Variants in KDM4C observed in about 807,000 individuals in gnomAD.
The protein encoded by KDM4C is lysine demethylase 4C.
A neutral mutation model predicts 129.3 loss-of-function variants in KDM4C; 81 were observed. The ratio of observed to expected loss-of-function variants is 0.63; its 90% CI spans 0.52 to 0.75. The LOEUF is 0.75. KDM4C is among the 30% of genes least tolerant of loss of function. KDM4C has a pLI of 0.00. For missense variants in KDM4C, 1,457 were observed against 1,304.0 expected, an observed-to-expected ratio of 1.12 and a Z score of -1.81; for synonymous variants, 573 against 456.1, an observed-to-expected ratio of 1.26 and a Z score of -3.26.
chr9:6,960,093 G>T (rs1172019933), intron 8 of KDM4C, among the ~76,000 whole-genome samples: 3 of 151,756 alleles, frequency 2.0e-5, no homozygotes, highest in African/African-American at 7.3e-5. Flanking sequence ...TTCCTTAGGG[G>T]TCAAGACCTT....
chr9:6,758,197 G>C lies in KDM4C; in HGVS notation c.-24G>C. 1.0e-6 allele frequency: 1 copy of C among 985,930 alleles called. No individual in the cohort carries two copies. The highest frequency in any genetic ancestry group is 1.2e-6 in the Non-Finnish European group (1 of 830,354). 61.1% of individuals were successfully genotyped at this position (985,930 alleles called of 1,614,324 possible). Reference sequence around the variant, plus strand: ...GAGTCGTGCTCTCGCCCCAACCCGCGCGCCAGGTAACCGCTTTTCCGGAGT... The same window carrying C: ...GAGTCGTGCTCTCGCCCCAACCCGCCCGCCAGGTAACCGCTTTTCCGGAGT... On this transcript the variant is annotated 5_prime_UTR_variant, in exon 1 of 22. Transcript: ENST00000381309. The surrounding 1 kb of genome is among the most constrained non-coding windows in gnomAD (Gnocchi z 4.6).
chr9:6,741,904 AC>A (rs2130263556), intron 1 of KDM4C, among the ~76,000 whole-genome samples: 1 of 151,188 alleles, frequency 6.6e-6, no homozygotes, highest in East Asian at 1.9e-4. Context: ...ACACACACAC[AC>A]ACACAAATAC....
At chr9:6,730,729 G>A (rs1442015104) in intron 1 of KDM4C, among the ~76,000 whole-genome samples, 2 of 152,134 alleles carry the variant, frequency 1.3e-5, no homozygotes, top group Non-Finnish European at 2.9e-5. Context: ...GATGCCTCAT[G>A]GTCAGAACAA....
intron 8 of KDM4C, among the ~76,000 whole-genome samples, chr9:6,911,844 C>A (rs1188486295): frequency 6.6e-6 from 1 of 152,142 alleles, no homozygotes; most frequent in Non-Finnish European, 1.5e-5. Flanking sequence ...GGGGAGGTGG[C>A]AGGGACTGGG....
At chr9:6,789,899 G>A (rs1024680296) in intron 1 of KDM4C, among the ~76,000 whole-genome samples, 5 of 151,942 alleles carry the variant, frequency 3.3e-5, no homozygotes, top group Non-Finnish European at 7.4e-5. Context: ...CCTTTGGATT[G>A]TAAGTTCCTA....
At chr9:6,916,552 G>T (rs1287455551) in intron 8 of KDM4C, among the ~76,000 whole-genome samples, 1 of 152,098 alleles carries the variant, frequency 6.6e-6, no homozygotes, top group East Asian at 1.9e-4. Flanking sequence ...GAGCCACTGT[G>T]CCTGGCTGAT....
chr9:6,820,955 G>T (rs1832935828), intron 4 of KDM4C, among the ~76,000 whole-genome samples: 2 of 150,470 alleles, frequency 1.3e-5, no homozygotes, highest in Admixed American at 1.3e-4. Flanking sequence ...CCACCTATGA[G>T]TAAGAACATG....
intron 12 of KDM4C, among the ~76,000 whole-genome samples, chr9:6,999,959 T>C (rs1820433700): frequency 6.6e-6 from 1 of 152,190 alleles, no homozygotes; most frequent in Non-Finnish European, 1.5e-5. Flanking sequence ...AATAAGCACA[T>C]TTATAGTTCT....
intron 1 of KDM4C, among the ~76,000 whole-genome samples, chr9:6,731,497 A>AT (rs976662493): frequency 1.0e-4 from 15 of 150,584 alleles, no homozygotes; most frequent in Admixed American, 2.0e-4. Flanking sequence ...CACCCAGCTA[A>AT]TTTTTTTTTG....
At chr9:6,820,707 T>TCG in intron 4 of KDM4C, among the ~76,000 whole-genome samples, 1 of 110,164 alleles carries the variant, frequency 9.1e-6, no homozygotes, top group East Asian at 3.4e-4. Flanking sequence ...GATCTCTCTC[T>TCG]CTCTCTCTTT....
At chr9:7,172,936 A>G (rs1845107847) in intron 21 of KDM4C, among the ~76,000 whole-genome samples, 2 of 152,266 alleles carry the variant, frequency 1.3e-5, no homozygotes. Flanking sequence ...GCAAGATAGT[A>G]GGGAATTGGG....
intron 1 of KDM4C, among the ~76,000 whole-genome samples, chr9:6,782,064 A>G (rs1285526584): frequency 6.6e-6 from 1 of 152,048 alleles, no homozygotes; most frequent in African/African-American, 2.4e-5. Context: ...ACCTCAGGTG[A>G]TCTGTCCACC....
chr9:7,040,377 G>GTGTGTGTGTC (rs1429820588), intron 15 of KDM4C, among the ~76,000 whole-genome samples: 25 of 86,578 alleles, frequency 2.9e-4, no homozygotes, highest in Admixed American at 1.1e-3. Context: ...CTCTGTGTGT[G>GTGTGTGTGTC]TGTGTGTGTG....
intron 19 of KDM4C, among the ~76,000 whole-genome samples, chr9:7,164,764 G>T (rs1004281100): frequency 1.3e-5 from 2 of 152,108 alleles, no homozygotes; most frequent in African/African-American, 4.8e-5. Flanking sequence ...TTAAAGCCTC[G>T]CAGGAGTCTC....
chr9:7,036,036 T>C (rs565840885), intron 15 of KDM4C, among the ~76,000 whole-genome samples: 1 of 152,276 alleles, frequency 6.6e-6, no homozygotes, highest in East Asian at 1.9e-4. Flanking sequence ...TCATTGGTGT[T>C]TTGATAGGGA....
chr9:6,761,484 A>G (rs1325136829), intron 1 of KDM4C, among the ~76,000 whole-genome samples: 2 of 151,934 alleles, frequency 1.3e-5, no homozygotes, highest in African/African-American at 4.8e-5. Context: ...CTACAGGTAC[A>G]TGCCATCATG....
chr9:6,835,162 A>G (rs1350767544), intron 4 of KDM4C: 2 of 956,482 alleles, frequency 2.1e-6, no homozygotes, highest in Non-Finnish European at 3.4e-6. Context: ...CTCCCTGGAG[A>G]AGAGCTATGA....
intron 8 of KDM4C, among the ~76,000 whole-genome samples, chr9:6,945,919 TATG>T (rs1189803929): frequency 1.3e-5 from 2 of 152,200 alleles, no homozygotes; most frequent in Non-Finnish European, 2.9e-5. Context: ...TCACAGATTT[TATG>T]ATATTTTATT....
rs184456683 is a variant in KDM4C, at chr9:6,866,589, A to T, written c.630-13423A>T. Among the ~76,000 whole-genome samples, 46 of 152,026 alleles carry T rather than the reference A, an allele frequency of 3.0e-4. 1 individual carries two copies. Among genetic ancestry groups the T allele is most frequent in the Admixed American group, 2.6e-3 (40 of 15,272 alleles). ...TCTTTGTGTCTGGCTGTCTTGAGGG[A>T]TATTTCTTTCTTCAGGTACTCCCAG... On this transcript the variant is annotated intron_variant, in intron 5 of 21. Transcript: ENST00000381309.
Sources: allele counts gnomAD v4.1 joint callset (sites outside exome capture counted in the v4.1 genomes callset), GRCh38; gene constraint gnomAD v4.1.1; non-coding constraint Gnocchi (gnomAD v3.1); transcripts MANE v1.5; gene names NCBI Gene and HGNC (gene_info 2026-07-23, HGNC 2026-07-21).